SPMIP7: variants seen among roughly 807,000 people sequenced by gnomAD.
The protein encoded by SPMIP7 is sperm microtubule inner protein 7.
At chr7:50,147,615 C>T in the SPMIP7 span, among the ~76,000 whole-genome samples, 4 of 152,214 alleles carry the variant, frequency 2.6e-5, no homozygotes, top group Admixed American at 6.5e-5. Context: ...ATATATTCTA[C>T]GTATAACATG....
chr7:50,113,477 T>G, the SPMIP7 span, among the ~76,000 whole-genome samples: 4 of 152,022 alleles, frequency 2.6e-5, no homozygotes, highest in African/African-American at 9.7e-5. Context: ...GCCACAACCA[T>G]GATGAGAACA....
At chr7:50,125,163 CATATATACACATATATAT>C in the SPMIP7 span, among the ~76,000 whole-genome samples, 2 of 38,920 alleles carry the variant, frequency 5.1e-5, no homozygotes, top group Admixed American at 3.4e-4. Context: ...TATATATACA[CATATATACACATATATAT>C]ACACATATAT....
the SPMIP7 span, chr7:50,096,015 T>G: frequency 9.8e-7 from 1 of 1,020,148 alleles, no homozygotes; most frequent in Non-Finnish European, 1.4e-6. Context: ...GGCAATAGAG[T>G]TTATATAGTT....
the SPMIP7 span, chr7:50,117,104 C>A: frequency 2.9e-6 from 1 of 350,102 alleles, no homozygotes; most frequent in Non-Finnish European, 5.7e-6. Flanking sequence ...AGTATCAGAG[C>A]CTTTACCTTG....
At chr7:50,153,724 C>T in the SPMIP7 span, among the ~76,000 whole-genome samples, 1 of 152,262 alleles carries the variant, frequency 6.6e-6, no homozygotes, top group South Asian at 2.1e-4. Flanking sequence ...GAAGACTTCA[C>T]AGAGGAGTGG....
At chr7:50,122,824 C>G in the SPMIP7 span, among the ~76,000 whole-genome samples, 8 of 152,328 alleles carry the variant, frequency 5.3e-5, no homozygotes, top group African/African-American at 1.9e-4. Context: ...AAATGCTCAT[C>G]ATCACTGGCC....
chr7:50,149,351 T>C, the SPMIP7 span, among the ~76,000 whole-genome samples: 1 of 152,254 alleles, frequency 6.6e-6, no homozygotes, highest in African/African-American at 2.4e-5. Context: ...CTGAAATTAG[T>C]TTAGCATCTA....
chr7:50,148,010 A>C, the SPMIP7 span, among the ~76,000 whole-genome samples: 11 of 152,194 alleles, frequency 7.2e-5, no homozygotes, highest in East Asian at 5.8e-4. Context: ...AGTATCTTTA[A>C]TAGCTTTGTT....
At chr7:50,115,682 A>C in the SPMIP7 span, among the ~76,000 whole-genome samples, 1 of 152,216 alleles carries the variant, frequency 6.6e-6, no homozygotes, top group Non-Finnish European at 1.5e-5. Flanking sequence ...CATCATTATA[A>C]AGTTAGGTTT....
the SPMIP7 span, among the ~76,000 whole-genome samples, chr7:50,154,070 AT>A: frequency 3.3e-5 from 5 of 151,910 alleles, no homozygotes; most frequent in African/African-American, 1.2e-4. Flanking sequence ...CTCAAGACAC[AT>A]TTTTTTCCCA....
chr7:50,141,605 C>G, the SPMIP7 span: 1 of 435,442 alleles, frequency 2.3e-6, no homozygotes. Context: ...ATCTCTGTGA[C>G]TTCAGTTTCT....
chr7:50,109,063 T>C, the SPMIP7 span, among the ~76,000 whole-genome samples: 117,654 of 151,472 alleles, frequency 0.78, 45,794 homozygotes, highest in East Asian at 0.88. Flanking sequence ...AGCACTTTCA[T>C]ACCAGTTGCT....
At chr7:50,116,235 C>A in the SPMIP7 span, among the ~76,000 whole-genome samples, 1 of 152,190 alleles carries the variant, frequency 6.6e-6, no homozygotes, top group Non-Finnish European at 1.5e-5. Context: ...CCTGCCTCAG[C>A]CCCCCAGGTA....
the SPMIP7 span, among the ~76,000 whole-genome samples, chr7:50,103,690 T>C: frequency 2.0e-5 from 3 of 152,198 alleles, no homozygotes; most frequent in African/African-American, 7.2e-5. Flanking sequence ...ACAAGTGTTA[T>C]CTTTGGGGAG....
At chr7:50,152,716 G>A in the SPMIP7 span, among the ~76,000 whole-genome samples, 2 of 131,622 alleles carry the variant, frequency 1.5e-5, no homozygotes, top group South Asian at 4.7e-4. Context: ...TTAAGACAGA[G>A]TACTCTGTCA....
At chr7:50,113,445 A>C in the SPMIP7 span, among the ~76,000 whole-genome samples, 5 of 152,192 alleles carry the variant, frequency 3.3e-5, no homozygotes, top group Non-Finnish European at 7.4e-5. Flanking sequence ...AATCTGTTTC[A>C]TATGTTCAGA....
chr7:50,096,040 T>G, the SPMIP7 span: 91 of 1,241,680 alleles, frequency 7.3e-5, no homozygotes, highest in Non-Finnish European at 9.0e-5. Context: ...ATAAAGGAAT[T>G]ATCAGAAATA....
the SPMIP7 span, among the ~76,000 whole-genome samples, chr7:50,113,292 CA>C: frequency 2.6e-5 from 4 of 152,078 alleles, no homozygotes; most frequent in Non-Finnish European, 5.9e-5. Flanking sequence ...AATAAGTTCT[CA>C]GTTTAAAAAA....
chr7:50,121,948 C>G, the SPMIP7 span, among the ~76,000 whole-genome samples: 1 of 137,820 alleles, frequency 7.3e-6, no homozygotes, highest in African/African-American at 2.8e-5. Context: ...TGAGCCACCA[C>G]ACCTGGCTTT....
Sources: gnomAD v4.1 joint callset for allele counts (sites outside exome capture counted in the v4.1 genomes callset) on GRCh38, gnomAD v4.1.1 for gene constraint, MANE v1.5 for transcripts, NCBI Gene and HGNC (gene_info 2026-07-23, HGNC 2026-07-21) for gene names.